The following BACH2 variants were observed in gnomAD, a reference collection of about 807,000 sequenced individuals.
BACH2 encodes transcription regulator protein BACH2.
In BACH2, 5 loss-of-function variants were observed where a neutral mutation model predicts 61.8. That is an observed-to-expected ratio of 0.08 (90% CI 0.04 to 0.17). The LOEUF is 0.17. Ranked by LOEUF, BACH2 falls within the 10% of genes least tolerant of loss-of-function variation. The pLI, the probability that BACH2 is intolerant of heterozygous loss-of-function variation, is 1.00. For synonymous variants in BACH2, 446 were observed against 440.1 expected, an observed-to-expected ratio of 1.01 and a Z score of -0.17; for missense variants, 824 against 1,091.1, an observed-to-expected ratio of 0.76 and a Z score of 3.45.
intron 6 of BACH2, among the ~76,000 whole-genome samples, chr6:89,986,042 G>T (rs1293965222): frequency 6.6e-6 from 1 of 152,164 alleles, no homozygotes; most frequent in Non-Finnish European, 1.5e-5. Context: ...CTTAAGCCTT[G>T]CATCTGAGAA....
intron 1 of BACH2, among the ~76,000 whole-genome samples, chr6:90,284,919 G>A (rs1229422397): frequency 1.3e-5 from 2 of 152,072 alleles, no homozygotes; most frequent in Non-Finnish European, 2.9e-5. Context: ...CAGTCACTGT[G>A]GCTTTTCTTT....
At chr6:90,139,454 C>T (rs897864799) in intron 4 of BACH2, among the ~76,000 whole-genome samples, 1 of 152,200 alleles carries the variant, frequency 6.6e-6, no homozygotes, top group Non-Finnish European at 1.5e-5. Context: ...CCTGAAGACA[C>T]TCAAGCTGAC....
intron 5 of BACH2, among the ~76,000 whole-genome samples, chr6:90,066,253 T>C (rs181733932): frequency 2.6e-5 from 4 of 152,206 alleles, no homozygotes; most frequent in African/African-American, 9.6e-5. Context: ...CAAAGAACAC[T>C]GCACAGGAAT....
rs190718277 is a variant in BACH2 at position 90,080,508 on chromosome 6, A to G, written c.-13+8453T>C. Among the ~76,000 whole-genome samples the G allele has an allele frequency of 6.2e-3, 950 of 152,296 alleles. 3 individuals carry two copies. Among genetic ancestry groups the G allele is most frequent in the Non-Finnish European group, 0.011 (752 of 68,010 alleles). On this transcript the variant is annotated intron_variant, in intron 5 of 8. Coordinates refer to ENST00000257749, the MANE Select transcript of BACH2 (RefSeq NM_021813.4). ...AATAATAAAAACAAAATTGATGAAG[A>G]GGATATTTGCCAGGGGCACAGAGAA...
chr6:90,146,057 T>TTA (rs1240808489), intron 4 of BACH2, among the ~76,000 whole-genome samples: 2 of 152,268 alleles, frequency 1.3e-5, no homozygotes, highest in Non-Finnish European at 2.9e-5. Flanking sequence ...ATGTATAGAC[T>TTA]TATGTGCATG....
chr6:90,088,789 G>A lies in BACH2; in HGVS notation c.-13+172C>T, dbSNP rs1050853920. 9.2e-5 allele frequency among the ~76,000 whole-genome samples: 14 copies of A among 152,120 alleles called. No individual in the cohort carries two copies. The South Asian group carries it at 2.7e-3, about 29-fold the overall frequency. The stretch of plus-strand genomic sequence containing the variant: ...TTCAAGCTGAAATTTAAGAGCCACT[G>A]AGTTAAGGAACCACCAATATACAGA... On this transcript the variant is annotated intron_variant, in intron 5 of 8. Coordinates refer to ENST00000257749, the MANE Select transcript of BACH2 (RefSeq NM_021813.4).
rs1021189022 is a variant in BACH2, at chr6:89,932,333, A to T, written c.*75T>A. 1 of 1,547,184 alleles carries T rather than the reference A, an allele frequency of 6.5e-7. No homozygotes were observed. Among genetic ancestry groups the T allele is most frequent in the African/African-American group, 1.4e-5 (1 of 73,558 alleles). On this transcript the variant is annotated 3_prime_UTR_variant, in exon 9 of 9. Coordinates refer to ENST00000257749, the MANE Select transcript of BACH2 (RefSeq NM_021813.4). The stretch of plus-strand genomic sequence containing the variant: ...GTTCTCGGTTTCTTCGGGACAGCAG[A>T]TGAACAGTGCCACAGGCTGACTGAA...
At chr6:89,937,949 G>A (rs574357262) in intron 8 of BACH2, among the ~76,000 whole-genome samples, 195 bp downstream of exon 8, 22 of 151,748 alleles carry the variant, frequency 1.4e-4, no homozygotes, top group African/African-American at 4.6e-4. Context: ...ATGCATGCGC[G>A]TGCAGACACA....
At chr6:89,980,379 A>G (rs1225117677) in intron 6 of BACH2, among the ~76,000 whole-genome samples, 3 of 152,182 alleles carry the variant, frequency 2.0e-5, no homozygotes, top group African/African-American at 7.2e-5. Flanking sequence ...ACACCTGGAC[A>G]CACACATGAG....
intron 5 of BACH2, among the ~76,000 whole-genome samples, chr6:90,080,510 G>C (rs1423192875): frequency 6.6e-6 from 1 of 152,030 alleles, no homozygotes; most frequent in Non-Finnish European, 1.5e-5. Context: ...TGATGAAGAG[G>C]ATATTTGCCA....
At chr6:90,256,422 G>A (rs1770981952) in intron 2 of BACH2, among the ~76,000 whole-genome samples, 1 of 152,148 alleles carries the variant, frequency 6.6e-6, no homozygotes, top group Admixed American at 6.5e-5. Flanking sequence ...TTGATGTGAT[G>A]CAAACAAGCA....
intron 4 of BACH2, among the ~76,000 whole-genome samples, chr6:90,145,951 C>A (rs1459912418): frequency 2.0e-5 from 3 of 152,204 alleles, no homozygotes; most frequent in Non-Finnish European, 1.5e-5. Flanking sequence ...CTTCCAACCA[C>A]ACTTTATATT....
rs1196311638 is a variant in BACH2, at chr6:90,209,787, T to C, written c.-274-3106A>G. On this transcript the variant is annotated intron_variant, in intron 3 of 8. Coordinates refer to ENST00000257749, the MANE Select transcript of BACH2 (RefSeq NM_021813.4). ...TCCCTTCCTGCCCCCGCCCCAACTG[T>C]TCTTATGTCATTTTCATGTATGTTG... Among the ~76,000 whole-genome samples the C allele has an allele frequency of 4.6e-5, 7 of 152,300 alleles. No individual in the cohort carries two copies. The South Asian group carries it at 6.2e-4, about 14-fold the overall frequency.
intron 4 of BACH2, among the ~76,000 whole-genome samples, chr6:90,119,633 A>G (rs1028078167): frequency 6.6e-6 from 1 of 152,218 alleles, no homozygotes; most frequent in Non-Finnish European, 1.5e-5. Flanking sequence ...ATTGAAAAAA[A>G]TCAGAATTTA....
Position 89,950,686 on chromosome 6 carries a change from G to A in BACH2, c.1420C>T (p.Leu474Phe). The change falls in exon 7 of 9, where the codon CTC becomes TTC. Residue 474 changes from leucine (L) to phenylalanine (F), a missense_variant. By Grantham distance (22) the Leu-to-Phe change is conservative. Coordinates refer to ENST00000257749, the MANE Select transcript of BACH2 (RefSeq NM_021813.4). The surrounding 1 kb of genome is among the most constrained non-coding windows in gnomAD (Gnocchi z 5.3). ...KGLWVGAGQSLPSSQAYSHGG... is the reference protein window; with the variant it reads ...KGLWVGAGQSFPSSQAYSHGG... ...TGGGAGTAGGCCTGCGAGCTGGGGA[G>A]GGACTGGCCGGCTCCCACCCACAGA... 6.2e-7 allele frequency: 1 copy of A among 1,614,138 alleles called. No individual in the cohort carries two copies.
At chr6:90,209,888 G>C (rs1462504686) in intron 3 of BACH2, among the ~76,000 whole-genome samples, 1 of 152,120 alleles carries the variant, frequency 6.6e-6, no homozygotes, top group African/African-American at 2.4e-5. Context: ...TAAATATTAC[G>C]ATAGTTTTTT....
intron 4 of BACH2, among the ~76,000 whole-genome samples, chr6:90,198,345 T>C (rs905561898): frequency 2.0e-5 from 3 of 152,098 alleles, no homozygotes; most frequent in African/African-American, 7.2e-5. Flanking sequence ...CTGCCACTCA[T>C]CCACCGACTC....
chr6:90,130,849 T>C (rs1784053954), intron 4 of BACH2, among the ~76,000 whole-genome samples: 1 of 152,272 alleles, frequency 6.6e-6, no homozygotes, highest in African/African-American at 2.4e-5. Context: ...TTGCTTTGCT[T>C]TAAGACCTGC....
intron 4 of BACH2, among the ~76,000 whole-genome samples, chr6:90,151,167 C>G (rs1261791359): frequency 6.6e-6 from 1 of 152,172 alleles, no homozygotes; most frequent in Non-Finnish European, 1.5e-5. Context: ...TAACCCACAC[C>G]ATGGCTACAG....
Sources: gnomAD v4.1 joint callset for allele counts (sites outside exome capture counted in the v4.1 genomes callset) on GRCh38, gnomAD v4.1.1 for gene constraint, Gnocchi (gnomAD v3.1) non-coding constraint, MANE v1.5 for transcripts, NCBI Gene and HGNC (gene_info 2026-07-23, HGNC 2026-07-21) for gene names.